The following PCDH15 variants were observed in gnomAD, a reference collection of about 807,000 sequenced individuals.
PCDH15 encodes protocadherin-15.
PCDH15 carries 129 observed loss-of-function variants against 178.5 expected under a neutral mutation model. The ratio of observed to expected loss-of-function variants is 0.72; its 90% confidence interval spans 0.63 to 0.84. The LOEUF is 0.84. PCDH15 is among the 40% of genes least tolerant of loss of function. The pLI is 0.00. For synonymous variants in PCDH15, 800 were observed against 732.0 expected, an observed-to-expected ratio of 1.09 and a Z score of -1.50; for missense variants, 2,230 against 2,099.9, an observed-to-expected ratio of 1.06 and a Z score of -1.21.
intron 2 of PCDH15, among the ~76,000 whole-genome samples, chr10:55,011,624 C>T (rs777876592): frequency 4.6e-5 from 7 of 151,982 alleles, no homozygotes; most frequent in Non-Finnish European, 1.0e-4. Flanking sequence ...AATTATAAGA[C>T]ATTTTTGTTT....
At chr10:55,198,883 G>C (rs532188125) in intron 1 of PCDH15, among the ~76,000 whole-genome samples, 2 of 151,950 alleles carry the variant, frequency 1.3e-5, no homozygotes, top group Admixed American at 6.6e-5. Flanking sequence ...CTTTGCCTTC[G>C]CCATGACTAA....
chr10:54,622,212 G>A (rs192101114), intron 2 of PCDH15, among the ~76,000 whole-genome samples: 1 of 151,744 alleles, frequency 6.6e-6, no homozygotes, highest in East Asian at 2.0e-4. Context: ...GGTGTGTGGA[G>A]GTCAATGTTG....
chr10:53,999,273 G>A (rs1156815899), intron 20 of PCDH15, among the ~76,000 whole-genome samples: 6 of 152,170 alleles, frequency 3.9e-5, no homozygotes, highest in South Asian at 2.1e-4. Flanking sequence ...CTACTTTTAC[G>A]TGGGTGTATG....
At chr10:54,906,569 G>A (rs796998586) in intron 2 of PCDH15, among the ~76,000 whole-genome samples, 42 of 152,098 alleles carry the variant, frequency 2.8e-4, no homozygotes, top group African/African-American at 9.9e-4. Flanking sequence ...AAATAATGTA[G>A]GCAGAACAAT....
At chr10:54,301,266 G>A (rs1026356012) in intron 8 of PCDH15, among the ~76,000 whole-genome samples, 9 of 152,102 alleles carry the variant, frequency 5.9e-5, no homozygotes, top group African/African-American at 2.2e-4. Flanking sequence ...ACTCTTTGAG[G>A]TAGAGTAAGA....
intron 2 of PCDH15, among the ~76,000 whole-genome samples, chr10:55,387,933 TG>T (rs1311691101): frequency 6.6e-6 from 1 of 152,042 alleles, no homozygotes; most frequent in Non-Finnish European, 1.5e-5. Flanking sequence ...CCTTTCTAAT[TG>T]CAGCTAAATA....
chr10:54,853,314 T>TACAC (rs1333572193), intron 3 of PCDH15, among the ~76,000 whole-genome samples: 4 of 129,108 alleles, frequency 3.1e-5, no homozygotes, highest in East Asian at 2.3e-4. Flanking sequence ...TATATATATA[T>TACAC]ATATACATAC....
chr10:54,421,908 T>TACACAC lies in PCDH15; in HGVS notation c.158-42967_158-42966insGTGTGT, dbSNP rs1303305100. Among the ~76,000 whole-genome samples the TACACAC allele has an allele frequency of 9.4e-3, 861 of 91,374 alleles. 41 individuals are homozygous for TACACAC. Among genetic ancestry groups the TACACAC allele is most frequent in the African/African-American group, 0.049 (754 of 15,446 alleles). 59.9% of individuals were successfully genotyped at this position (91,374 alleles called of 152,430 possible). A position where few individuals can be genotyped will look rare whatever the true frequency, so the allele number is the denominator to read the frequency against. On this transcript the variant is annotated intron_variant, in intron 3 of 37. Transcript: ENST00000644397. ...TACACACACACACTATATATATATATACACTATATATATATATACACTATA... is the reference window on the plus strand; with the variant it reads ...TACACACACACACTATATATATATATACACACACACTATATATATATATACACTATA...
At chr10:55,179,761 G>T (rs947686993) in intron 1 of PCDH15, among the ~76,000 whole-genome samples, 2 of 151,834 alleles carry the variant, frequency 1.3e-5, no homozygotes, top group African/African-American at 4.8e-5. Context: ...GGGGTGTATT[G>T]TTTCTGCTTG....
Position 54,938,273 on chromosome 10 carries a change from CTCG to C in PCDH15, c.-79-40776_-79-40774del, listed in dbSNP as rs1388060634. Among the ~76,000 whole-genome samples the C allele has an allele frequency of 7.5e-4, 104 of 139,274 alleles. 22 individuals carry two copies. Among genetic ancestry groups the C allele is most frequent in the African/African-American group, 2.4e-3 (92 of 38,264 alleles). The allele number at this position is 139,274 out of a possible 152,430, so 91.4% of individuals were successfully genotyped here. A position where few individuals can be genotyped will look rare whatever the true frequency, so the allele number is the denominator to read the frequency against. On this transcript the variant is annotated intron_variant, in intron 2 of 5. Transcript: ENST00000458638. Reference sequence around the variant, plus strand: ...AGATATTACTTTATAGTTTTACTTACTCGTAATATTTCGGTTTAGCATAGTGTA... The same window carrying C: ...AGATATTACTTTATAGTTTTACTTACTAATATTTCGGTTTAGCATAGTGTA...
At chr10:55,362,908 G>T (rs1446593493) in intron 2 of PCDH15, among the ~76,000 whole-genome samples, 1 of 152,154 alleles carries the variant, frequency 6.6e-6, no homozygotes, top group East Asian at 1.9e-4. Flanking sequence ...ACTGGAAGAA[G>T]AATTGTCTTG....
In PCDH15 at chr10:54,576,236, A is replaced by G. The variant is rs186360571; in HGVS notation, c.92-48359T>C. ...CCAAGTAAAGTTCCATATCAATGCA[A>G]TGATCCCTTTTGTACAGTTATTAAG... is the stretch of plus-strand genomic sequence containing the variant. On this transcript the variant is annotated intron_variant, in intron 2 of 37. Coordinates refer to ENST00000644397, the MANE Select transcript of PCDH15 (RefSeq NM_001384140.1). Among the ~76,000 whole-genome samples, 47 of 152,320 alleles carry G rather than the reference A, an allele frequency of 3.1e-4. 1 individual carries two copies. Among genetic ancestry groups the G allele is most frequent in the Non-Finnish European group, 4.4e-5 (3 of 68,028 alleles).
At chr10:55,206,149 A>G (rs970664505) in intron 1 of PCDH15, among the ~76,000 whole-genome samples, 12 of 152,098 alleles carry the variant, frequency 7.9e-5, no homozygotes, top group Admixed American at 6.5e-4. Context: ...GACACATTAT[A>G]CAACCCTCCT....
intron 13 of PCDH15, among the ~76,000 whole-genome samples, chr10:54,171,333 A>C (rs1009736080): frequency 2.0e-5 from 3 of 152,304 alleles, no homozygotes; most frequent in African/African-American, 7.2e-5. Flanking sequence ...GGACTGGACA[A>C]TACTTTTACC....
At chr10:55,369,010 CAAAAAAA>C (rs60906060) in intron 2 of PCDH15, among the ~76,000 whole-genome samples, 3 of 86,184 alleles carry the variant, frequency 3.5e-5, no homozygotes, top group African/African-American at 8.8e-5. Context: ...TTTTTGGGAC[CAAAAAAA>C]AAAAAAAAAA....
At chr10:54,550,195 T>C (rs1417704369) in intron 2 of PCDH15, among the ~76,000 whole-genome samples, 1 of 152,170 alleles carries the variant, frequency 6.6e-6, no homozygotes, top group Non-Finnish European at 1.5e-5. Flanking sequence ...GAGTTTGTTT[T>C]GTTTTGTTTT....
chr10:55,611,627 A>C lies in PCDH15; in HGVS notation c.-156+15998T>G, dbSNP rs562223019. Among the ~76,000 whole-genome samples, 5 of 152,146 alleles carry C rather than the reference A, an allele frequency of 3.3e-5. No individual in the cohort carries two copies. In the East Asian group the frequency reaches 9.7e-4, roughly 29 times the overall value. ...CAAAAATAAAAAAAATATAATTACTATATGACCCAGAAATTCTACTTCTGG... is the reference window on the plus strand; with the variant it reads ...CAAAAATAAAAAAAATATAATTACTCTATGACCCAGAAATTCTACTTCTGG... On this transcript the variant is annotated intron_variant, in intron 2 of 5. Coordinates refer to the PCDH15 transcript ENST00000613346.
intron 7 of PCDH15, among the ~76,000 whole-genome samples, chr10:54,326,591 C>A (rs375051308): frequency 3.9e-5 from 6 of 151,986 alleles, no homozygotes; most frequent in East Asian, 1.9e-4. Context: ...TATTAATATA[C>A]CCATTTTACT....
At chr10:54,241,974 T>C (rs889450896) in intron 8 of PCDH15, among the ~76,000 whole-genome samples, 2 of 150,740 alleles carry the variant, frequency 1.3e-5, no homozygotes, top group South Asian at 2.1e-4. Flanking sequence ...ACCTTCTCTT[T>C]TGAGCAATGT....
Sources: allele counts gnomAD v4.1 joint callset (sites outside exome capture counted in the v4.1 genomes callset), GRCh38; gene constraint gnomAD v4.1.1; transcripts MANE v1.5; gene names NCBI Gene and HGNC (gene_info 2026-07-23, HGNC 2026-07-21).